SLC39A9: variants seen among roughly 807,000 people sequenced by gnomAD.
The protein encoded by SLC39A9 is solute carrier family 39 member 9.
A neutral mutation model predicts 28.4 loss-of-function variants in SLC39A9; 14 were observed. That is an observed-to-expected ratio of 0.49 (90% CI 0.33 to 0.77). The LOEUF (loss-of-function observed/expected upper bound fraction) is 0.77. Ranked by LOEUF, SLC39A9 falls within the 30% of genes least tolerant of loss-of-function variation. The pLI is 0.02. For synonymous variants in SLC39A9, 119 were observed against 149.6 expected, an observed-to-expected ratio of 0.80 and a Z score of 1.49; for missense variants, 283 against 381.1, an observed-to-expected ratio of 0.74 and a Z score of 2.14.
intron 3 of SLC39A9, among the ~76,000 whole-genome samples, 158 bp downstream of exon 3, chr14:69,442,424 A>G (rs1401031138): frequency 2.0e-5 from 3 of 152,224 alleles, no homozygotes; most frequent in Non-Finnish European, 4.4e-5. Context: ...GGGGAGAGCT[A>G]GTGAGTTGTG....
chr14:69,433,919 A>T (rs1321818397), intron 2 of SLC39A9, among the ~76,000 whole-genome samples: 2 of 151,662 alleles, frequency 1.3e-5, no homozygotes, highest in South Asian at 4.2e-4. Context: ...CAAGTAGCTG[A>T]AACTACAGGC....
At chr14:69,412,302 T>G (rs1043049469) in intron 1 of SLC39A9, among the ~76,000 whole-genome samples, 8 of 151,370 alleles carry the variant, frequency 5.3e-5, no homozygotes, top group African/African-American at 1.9e-4. Context: ...GGCAGGAGAA[T>G]GGCATGAACC....
chr14:69,452,824 T>C (rs896006550), intron 3 of SLC39A9, among the ~76,000 whole-genome samples: 1 of 152,124 alleles, frequency 6.6e-6, no homozygotes, highest in African/African-American at 2.4e-5. Flanking sequence ...AGATAGACAA[T>C]GACAATTAGA....
intron 3 of SLC39A9, among the ~76,000 whole-genome samples, chr14:69,447,913 CAA>C (rs34116080): frequency 3.9e-4 from 38 of 97,076 alleles, no homozygotes; most frequent in Admixed American, 4.6e-4. Flanking sequence ...GCCCTGTCTC[CAA>C]AAAAAAAAAA....
Position 69,461,182 on chromosome 14 carries a change from A to AT in SLC39A9, c.*2591dup. ...GACGCAATTGATGATGAGAAGCATG[A>AT]TTCTTGCTTCCATATAACCAAAGTT... is the stretch of plus-strand genomic sequence containing the variant. On this transcript the variant is annotated 3_prime_UTR_variant, in exon 7 of 7. Coordinates refer to ENST00000336643, the MANE Select transcript of SLC39A9 (RefSeq NM_018375.5). 2 of 987,630 alleles carry AT rather than the reference A, an allele frequency of 2.0e-6. No homozygotes were observed. Among genetic ancestry groups the AT allele is most frequent in the South Asian group, 9.3e-5 (2 of 21,428 alleles). The allele number at this position is 987,630 out of a possible 1,614,324, so 61.2% of individuals were successfully genotyped here. A position where few individuals can be genotyped will look rare whatever the true frequency, so the allele number is the denominator to read the frequency against.
rs749618133 is a variant in SLC39A9 at position 69,399,357 on chromosome 14, A to G, written c.-13A>G. The stretch of plus-strand genomic sequence containing the variant: ...TGTTGTCTAGTGGTTGTGGGTGAAT[A>G]AAGGAGGGCAGAATGGATGATTTCA... On this transcript the variant is annotated 5_prime_UTR_variant, in exon 1 of 7. In the 5' UTR this introduces an upstream ATG that the reference lacks. Coordinates refer to ENST00000336643, the MANE Select transcript of SLC39A9 (RefSeq NM_018375.5). 4 of 1,612,416 alleles carry G rather than the reference A, an allele frequency of 2.5e-6. No homozygotes were observed. Among genetic ancestry groups the G allele is most frequent in the Non-Finnish European group, 3.4e-6 (4 of 1,178,990 alleles).
At chr14:69,439,022 T>C (rs963446652) in intron 2 of SLC39A9, among the ~76,000 whole-genome samples, 2 of 152,340 alleles carry the variant, frequency 1.3e-5, no homozygotes, top group East Asian at 3.9e-4. Flanking sequence ...GATGATCTTA[T>C]GCATAGAAAT....
intron 5 of SLC39A9, among the ~76,000 whole-genome samples, chr14:69,455,376 G>C (rs528901188): frequency 6.6e-6 from 1 of 152,204 alleles, no homozygotes; most frequent in African/African-American, 2.4e-5. Context: ...ACCCAGGCTG[G>C]AGTGCAATGG....
chr14:69,457,978 A>G (rs1207704768), intron 6 of SLC39A9, among the ~76,000 whole-genome samples: 1 of 152,244 alleles, frequency 6.6e-6, no homozygotes, highest in African/African-American at 2.4e-5. Flanking sequence ...TGTGTGGTAC[A>G]TATCAAAATT....
At chr14:69,426,338 G>T (rs568393219) in intron 2 of SLC39A9, among the ~76,000 whole-genome samples, 1 of 152,278 alleles carries the variant, frequency 6.6e-6, no homozygotes, top group Admixed American at 6.5e-5. Context: ...CAATTTGCAA[G>T]AGTGGGTCAC....
chr14:69,413,716 T>A (rs1883412207), intron 1 of SLC39A9, among the ~76,000 whole-genome samples: 1 of 152,154 alleles, frequency 6.6e-6, no homozygotes, highest in African/African-American at 2.4e-5. Flanking sequence ...ATATCATCTT[T>A]TTTGGAGATA....
At chr14:69,423,113 G>A (rs957034899) in intron 1 of SLC39A9, among the ~76,000 whole-genome samples, 1 of 151,946 alleles carries the variant, frequency 6.6e-6, no homozygotes, top group Admixed American at 6.6e-5. Context: ...TTTATATATT[G>A]CAAGTTATAA....
intron 3 of SLC39A9, among the ~76,000 whole-genome samples, chr14:69,452,539 AG>A (rs2139449101): frequency 8.5e-6 from 1 of 117,462 alleles, no homozygotes; most frequent in Non-Finnish European, 2.1e-5. Flanking sequence ...CATGTTGGTC[AG>A]GCTGGTCTCA....
chr14:69,440,303 G>T (rs1884980429), intron 2 of SLC39A9, among the ~76,000 whole-genome samples: 1 of 151,988 alleles, frequency 6.6e-6, no homozygotes, highest in African/African-American at 2.4e-5. Context: ...TAAGAATAGT[G>T]TCAGGCACGG....
At chr14:69,446,710 T>C (rs1241597830) in intron 3 of SLC39A9, among the ~76,000 whole-genome samples, 1 of 151,392 alleles carries the variant, frequency 6.6e-6, no homozygotes, top group Non-Finnish European at 1.5e-5. Flanking sequence ...CCATCTCTAC[T>C]AAAAATACAA....
chr14:69,435,890 C>T (rs1226312742), intron 2 of SLC39A9, among the ~76,000 whole-genome samples: 1 of 151,850 alleles, frequency 6.6e-6, no homozygotes, highest in Non-Finnish European at 1.5e-5. Flanking sequence ...CCAGGCTGGT[C>T]TGGAACTCCT....
At chr14:69,441,888 G>A in intron 2 of SLC39A9, 181 bp from the exon 3 acceptor site, 1 of 1,386,048 alleles carries the variant, frequency 7.2e-7, no homozygotes, top group African/African-American at 1.5e-5. Flanking sequence ...AAGACATTTG[G>A]GAATTTTTTC....
At chr14:69,437,539 C>T (rs1884829538) in intron 2 of SLC39A9, among the ~76,000 whole-genome samples, 1 of 151,906 alleles carries the variant, frequency 6.6e-6, no homozygotes, top group Non-Finnish European at 1.5e-5. Context: ...ATGTCTCCAA[C>T]ATTCCTTTTA....
At chr14:69,402,293 A>G (rs2140242588) in intron 1 of SLC39A9, among the ~76,000 whole-genome samples, 1 of 152,284 alleles carries the variant, frequency 6.6e-6, no homozygotes, top group African/African-American at 2.4e-5. Flanking sequence ...GTAAGGCTTC[A>G]TTCAAAGTGC....
Sources: allele counts gnomAD v4.1 joint callset (sites outside exome capture counted in the v4.1 genomes callset), GRCh38; gene constraint gnomAD v4.1.1; transcripts MANE v1.5; gene names NCBI Gene and HGNC (gene_info 2026-07-23, HGNC 2026-07-21).